Variants in EPSTI1 observed in about 807,000 individuals in gnomAD.
The protein encoded by EPSTI1 is epithelial stromal interaction 1.
A neutral mutation model predicts 49.9 loss-of-function variants in EPSTI1; 66 were observed. That is an observed-to-expected ratio of 1.32 (90% confidence interval 1.08 to 1.62). The LOEUF is 1.62. Ranked by LOEUF, EPSTI1 falls within the 40% of genes most tolerant of loss-of-function variation. EPSTI1 has a pLI of 0.00. For synonymous variants in EPSTI1, 137 were observed against 130.7 expected, an observed-to-expected ratio of 1.05 and a Z score of -0.33; for missense variants, 394 against 365.5, an observed-to-expected ratio of 1.08 and a Z score of -0.64.
chr13:42,908,042 G>A (rs772229463), intron 8 of EPSTI1, among the ~76,000 whole-genome samples: 2 of 152,182 alleles, frequency 1.3e-5, no homozygotes, highest in Non-Finnish European at 2.9e-5. Flanking sequence ...ATATCCACAT[G>A]CAGAAGGATG....
rs992768576 is a variant in EPSTI1 at position 42,922,841 on chromosome 13, G to T, written c.657+3495C>A. ...GGAGAGGCATGAGCTATAGAGCTTG[G>T]CCCCTCAGACATTAACGTGCACACA... On this transcript the variant is annotated intron_variant, in intron 7 of 10. Transcript: ENST00000313624. The surrounding 1 kb of genome is among the most constrained non-coding windows in gnomAD (Gnocchi z 4.8). 1.3e-5 allele frequency among the ~76,000 whole-genome samples: 2 copies of T among 152,150 alleles called. No homozygotes were observed. Among genetic ancestry groups the T allele is most frequent in the Non-Finnish European group, 1.5e-5 (1 of 68,024 alleles).
At chr13:42,894,608 G>A (rs1323924185) in intron 10 of EPSTI1, among the ~76,000 whole-genome samples, 1 of 148,872 alleles carries the variant, frequency 6.7e-6, no homozygotes, top group Non-Finnish European at 1.5e-5. Context: ...TGGTTTCTTT[G>A]ATGTGTTAGT....
At chr13:42,923,446 A>G (rs61952561) in intron 7 of EPSTI1, among the ~76,000 whole-genome samples, 5,131 of 152,286 alleles carry the variant, frequency 0.034, 136 homozygotes, top group Middle Eastern at 0.075. Flanking sequence ...CTGTGGTCCC[A>G]GCCACTTAGG....
rs192064595 is a variant in EPSTI1 at position 42,982,886 on chromosome 13, G to C, written c.188+9092C>G. ...TCCCTAAACCCATAGGAAAGAAGTGGAGACATAGAGACACAAAGAATTTGA... is the reference window on the plus strand; with the variant it reads ...TCCCTAAACCCATAGGAAAGAAGTGCAGACATAGAGACACAAAGAATTTGA... On this transcript the variant is annotated intron_variant, in intron 1 of 10. Transcript: ENST00000313624. Among the ~76,000 whole-genome samples, 13 of 152,258 alleles carry C rather than the reference G, an allele frequency of 8.5e-5. No individual in the cohort carries two copies. In the South Asian group the frequency reaches 2.3e-3, roughly 27 times the overall value.
intron 8 of EPSTI1, among the ~76,000 whole-genome samples, chr13:42,904,973 T>A (rs1193340727): frequency 3.4e-5 from 5 of 148,112 alleles, no homozygotes; most frequent in Non-Finnish European, 7.7e-5. Flanking sequence ...ATAGTTTTTG[T>A]TTTTTAACTT....
intron 5 of EPSTI1, 55 bp from the exon 6 acceptor site, chr13:42,954,076 T>C: frequency 6.6e-7 from 1 of 1,510,062 alleles, no homozygotes; most frequent in South Asian, 1.2e-5. Context: ...AGCAGAGTCA[T>C]GATGTTAAAG....
intron 8 of EPSTI1, among the ~76,000 whole-genome samples, chr13:42,913,467 T>G (rs1316874650): frequency 6.6e-6 from 1 of 152,182 alleles, no homozygotes; most frequent in Non-Finnish European, 1.5e-5. Context: ...AAAAGTAGTA[T>G]ACTTCATATT....
At chr13:42,925,355 C>T (rs1471633157) in intron 7 of EPSTI1, among the ~76,000 whole-genome samples, 1 of 152,198 alleles carries the variant, frequency 6.6e-6, no homozygotes, top group African/African-American at 2.4e-5. Context: ...TCCAAGGTGG[C>T]ATGCAAATTT....
intron 6 of EPSTI1, among the ~76,000 whole-genome samples, chr13:42,932,740 C>T (rs1350895815): frequency 6.6e-6 from 1 of 152,062 alleles, no homozygotes; most frequent in Non-Finnish European, 1.5e-5. Context: ...AAACATTCAT[C>T]AATTATAAAG....
intron 1 of EPSTI1, among the ~76,000 whole-genome samples, chr13:42,984,691 C>G (rs892621372): frequency 4.2e-4 from 64 of 152,202 alleles, no homozygotes; most frequent in Admixed American, 2.6e-4. Flanking sequence ...TCAGGATTGG[C>G]CATGATGAAC....
chr13:42,956,820 A>C (rs2039287901), intron 5 of EPSTI1, among the ~76,000 whole-genome samples: 1 of 152,114 alleles, frequency 6.6e-6, no homozygotes. Flanking sequence ...TAAATTGAAC[A>C]ACGTTTATAG....
chr13:42,960,083 T>C (rs2039401486), intron 5 of EPSTI1, among the ~76,000 whole-genome samples: 2 of 152,124 alleles, frequency 1.3e-5, no homozygotes, highest in African/African-American at 2.4e-5. Context: ...TTGGTATCCA[T>C]TGTGTTGTGG....
At chr13:42,968,646 G>A (rs1160759855) in intron 3 of EPSTI1, among the ~76,000 whole-genome samples, 5 of 151,902 alleles carry the variant, frequency 3.3e-5, no homozygotes, top group African/African-American at 1.2e-4. Context: ...CCACCACCGG[G>A]TTTCCAGCTC....
At chr13:42,980,014 TTTTC>T (rs1158098129) in intron 1 of EPSTI1, among the ~76,000 whole-genome samples, 1 of 152,168 alleles carries the variant, frequency 6.6e-6, no homozygotes, top group Non-Finnish European at 1.5e-5. Flanking sequence ...TTGACTTTTT[TTTTC>T]TTTCTTTCAT....
At chr13:42,969,348 T>G (rs545265151) in intron 2 of EPSTI1, 171 bp from the exon 3 acceptor site, 1 of 653,952 alleles carries the variant, frequency 1.5e-6, no homozygotes, top group South Asian at 2.0e-5. Context: ...GTACAGGTCA[T>G]CCTGGGCCCG....
At chr13:42,903,622 T>C (rs948243467) in intron 8 of EPSTI1, among the ~76,000 whole-genome samples, 1 of 152,168 alleles carries the variant, frequency 6.6e-6, no homozygotes, top group Non-Finnish European at 1.5e-5. Flanking sequence ...ATGATACATA[T>C]GGAAATGTAG....
chr13:42,968,533 G>A (rs1357342127), intron 3 of EPSTI1, among the ~76,000 whole-genome samples: 4 of 152,004 alleles, frequency 2.6e-5, no homozygotes, highest in Non-Finnish European at 4.4e-5. Context: ...TTCAAACACC[G>A]GCAAAGGCGG....
chr13:42,949,602 A>C (rs1046125792), intron 6 of EPSTI1, among the ~76,000 whole-genome samples: 2 of 142,684 alleles, frequency 1.4e-5, no homozygotes, highest in Non-Finnish European at 3.0e-5. Flanking sequence ...AAAAAAAAAA[A>C]AAAAAAGAAA....
chr13:42,970,945 G>A lies in EPSTI1; in HGVS notation c.189-275C>T, dbSNP rs183062851. ...TGTACTGTCCTTGTAGGGCTCCACC[G>A]TTCCTCTAGGTGGTGCTTGTGAGTA... On this transcript the variant is annotated intron_variant, in intron 1 of 10. Transcript: ENST00000313624. 9.1e-4 allele frequency among the ~76,000 whole-genome samples: 139 copies of A among 152,272 alleles called. 1 individual carries two copies. Among genetic ancestry groups the A allele is most frequent in the African/African-American group, 3.0e-3 (126 of 41,552 alleles).
Sources: allele counts gnomAD v4.1 joint callset (sites outside exome capture counted in the v4.1 genomes callset), GRCh38; gene constraint gnomAD v4.1.1; non-coding constraint Gnocchi (gnomAD v3.1); transcripts MANE v1.5; gene names NCBI Gene and HGNC (gene_info 2026-07-23, HGNC 2026-07-21).